Variants in TMEM132D observed in about 807,000 individuals in gnomAD.
The protein encoded by TMEM132D is mature OL transmembrane protein.
TMEM132D carries 21 observed loss-of-function variants against 62.3 expected under a neutral mutation model. The observed-to-expected ratio is 0.34, with a 90% CI of 0.24 to 0.49. TMEM132D has a LOEUF of 0.49. Among genes scored for constraint, TMEM132D ranks in the 20% least tolerant of loss-of-function variants. TMEM132D has a pLI of 0.99. For missense variants in TMEM132D, 1,346 were observed against 1,402.8 expected, an observed-to-expected ratio of 0.96 and a Z score of 0.65; for synonymous variants, 621 against 575.6, an observed-to-expected ratio of 1.08 and a Z score of -1.13.
intron 1 of TMEM132D, among the ~76,000 whole-genome samples, chr12:129,901,426 T>C (rs139059165): frequency 1.3e-4 from 20 of 152,334 alleles, no homozygotes; most frequent in African/African-American, 4.1e-4. Context: ...TAATCCTGAA[T>C]CATCTACCAT....
intron 2 of TMEM132D, among the ~76,000 whole-genome samples, chr12:129,672,850 C>T (rs906470571): frequency 4.6e-5 from 7 of 152,124 alleles, no homozygotes; most frequent in Non-Finnish European, 7.4e-5. Context: ...CGGGTTCAAG[C>T]GATTCTCCTG....
chr12:129,173,752 C>G (rs2135547624), intron 5 of TMEM132D, among the ~76,000 whole-genome samples: 2 of 152,164 alleles, frequency 1.3e-5, no homozygotes, highest in South Asian at 4.2e-4. Flanking sequence ...CATGTGATAA[C>G]TTTATTTTTG....
intron 3 of TMEM132D, among the ~76,000 whole-genome samples, chr12:129,458,856 C>T (rs967440961): frequency 4.6e-5 from 7 of 152,114 alleles, no homozygotes; most frequent in Admixed American, 3.3e-4. Flanking sequence ...ACTCAGCTCA[C>T]GGGGTGGTAT....
At chr12:129,579,339 A>T (rs1877775495) in intron 2 of TMEM132D, among the ~76,000 whole-genome samples, 1 of 152,184 alleles carries the variant, frequency 6.6e-6, no homozygotes, top group African/African-American at 2.4e-5. Context: ...TACAGGGACG[A>T]AACTAATCAG....
chr12:129,707,781 G>A (rs1777066332), intron 1 of TMEM132D, among the ~76,000 whole-genome samples: 1 of 152,182 alleles, frequency 6.6e-6, no homozygotes, highest in South Asian at 2.1e-4. Context: ...GCTGGACGCA[G>A]TGCTGGGTGC....
chr12:129,174,041 G>T (rs1321239959), intron 5 of TMEM132D, among the ~76,000 whole-genome samples: 1 of 152,208 alleles, frequency 6.6e-6, no homozygotes, highest in Non-Finnish European at 1.5e-5. Context: ...AACGTAGCCT[G>T]GTTACATAAA....
intron 1 of TMEM132D, among the ~76,000 whole-genome samples, chr12:129,766,501 T>G: frequency 6.6e-6 from 1 of 152,146 alleles, no homozygotes; most frequent in Non-Finnish European, 1.5e-5. Context: ...ACACAAATAT[T>G]TTTGAGCTGA....
chr12:129,440,303 A>AG (rs1228115118), intron 3 of TMEM132D, among the ~76,000 whole-genome samples: 4 of 152,172 alleles, frequency 2.6e-5, no homozygotes, highest in African/African-American at 9.7e-5. Flanking sequence ...GAGGAAAACA[A>AG]GGGGGTAATG....
At chr12:129,086,201 C>CGCGCGTGTGTGTGTGTGT (rs1349816832) in intron 5 of TMEM132D, among the ~76,000 whole-genome samples, 12 of 141,132 alleles carry the variant, frequency 8.5e-5, no homozygotes, top group Admixed American at 4.1e-4. Context: ...CACGCGCGCG[C>CGCGCGTGTGTGTGTGTGT]GTGTGTGTGT....
At chr12:129,304,728 A>G (rs1050539716) in intron 4 of TMEM132D, among the ~76,000 whole-genome samples, 2 of 144,122 alleles carry the variant, frequency 1.4e-5, no homozygotes, top group African/African-American at 5.2e-5. Context: ...CAGTGTCGCA[A>G]TCTCAGCTCA....
chr12:129,836,520 G>A (rs768668833), intron 1 of TMEM132D, among the ~76,000 whole-genome samples: 47 of 151,944 alleles, frequency 3.1e-4, no homozygotes, highest in East Asian at 9.7e-4. Flanking sequence ...GTGTGTGCGC[G>A]CGTGTGTGTG....
In TMEM132D at chr12:129,126,644, C is replaced by T. The variant is rs563559732; in HGVS notation, c.1444-41942G>A. Among the ~76,000 whole-genome samples, 35 of 152,220 alleles carry T rather than the reference C, an allele frequency of 2.3e-4. 1 individual carries two copies. The South Asian group carries it at 2.9e-3, about 13-fold the overall frequency. On this transcript the variant is annotated intron_variant, in intron 5 of 8. Transcript: ENST00000422113. Reference sequence around the variant, plus strand: ...ATGGGAATAAACAGTAACATACATACGCGTTTGGCAGGGGCTTATGTTACG... The same window carrying T: ...ATGGGAATAAACAGTAACATACATATGCGTTTGGCAGGGGCTTATGTTACG...
At chr12:129,633,052 TCAATA>T (rs1879386912) in intron 2 of TMEM132D, among the ~76,000 whole-genome samples, 1 of 152,318 alleles carries the variant, frequency 6.6e-6, no homozygotes, top group Admixed American at 6.5e-5. Context: ...TTTTCTGTAT[TCAATA>T]CAACTAATTT....
intron 1 of TMEM132D, among the ~76,000 whole-genome samples, chr12:129,705,267 A>G (rs1270772036): frequency 6.6e-6 from 1 of 152,254 alleles, no homozygotes; most frequent in African/African-American, 2.4e-5. Flanking sequence ...GTTTATATAC[A>G]TATACAAATT....
intron 3 of TMEM132D, among the ~76,000 whole-genome samples, chr12:129,427,775 CAAACA>C (rs957131474): frequency 2.0e-5 from 3 of 151,384 alleles, no homozygotes; most frequent in Middle Eastern, 3.2e-3. Flanking sequence ...AAACCAAACC[CAAACA>C]AAACAAAACC....
At chr12:129,414,982 G>T (rs1872073857) in intron 3 of TMEM132D, among the ~76,000 whole-genome samples, 1 of 152,134 alleles carries the variant, frequency 6.6e-6, no homozygotes, top group Admixed American at 6.5e-5. Flanking sequence ...CATCCATGCT[G>T]TCACAAATGA....
intron 2 of TMEM132D, among the ~76,000 whole-genome samples, chr12:129,575,002 C>G (rs1267216440): frequency 6.6e-6 from 1 of 151,628 alleles, no homozygotes; most frequent in African/African-American, 2.4e-5. Context: ...AGTCAACGCT[C>G]CTAAGGAAGG....
chr12:129,236,960 T>C (rs1396300242), intron 4 of TMEM132D, among the ~76,000 whole-genome samples: 2 of 152,230 alleles, frequency 1.3e-5, no homozygotes, highest in Non-Finnish European at 2.9e-5. Flanking sequence ...TCCAATTGTT[T>C]TTTCCTGCAT....
chr12:129,686,150 G>A (rs1485577431), intron 2 of TMEM132D, among the ~76,000 whole-genome samples: 3 of 152,142 alleles, frequency 2.0e-5, no homozygotes, highest in Non-Finnish European at 4.4e-5. Flanking sequence ...GCATGACTAT[G>A]TTTTGAAGTG....
Sources: gnomAD v4.1 joint callset for allele counts (sites outside exome capture counted in the v4.1 genomes callset) on GRCh38, gnomAD v4.1.1 for gene constraint, MANE v1.5 for transcripts, NCBI Gene and HGNC (gene_info 2026-07-23, HGNC 2026-07-21) for gene names.